PCAT6: variants seen among roughly 807,000 people sequenced by gnomAD.
The protein encoded by PCAT6 is KDM5B antisense RNA 1 (head to head).
chr1:202,811,127 C>G (rs1043819287), exon 1 of PCAT6: 10 of 393,628 alleles, frequency 2.5e-5, no homozygotes, highest in Non-Finnish European at 3.1e-5. Flanking sequence ...TCCAGGAACC[C>G]CCTCCTTACT....
At chr1:202,811,514 G>A in exon 1 of PCAT6, 1 of 397,294 alleles carries the variant, frequency 2.5e-6, no homozygotes, top group Non-Finnish European at 4.4e-6. Flanking sequence ...GGCCGGCGCA[G>A]CACGTAGCGC....
chr1:202,811,160 C>T (rs1474291527), exon 1 of PCAT6: 2 of 397,108 alleles, frequency 5.0e-6, no homozygotes, highest in South Asian at 2.8e-4. Flanking sequence ...TCCGCCCCCG[C>T]CCGGGCCTCC....
exon 1 of PCAT6, chr1:202,811,397 C>G: frequency 2.5e-6 from 1 of 398,778 alleles, no homozygotes; most frequent in East Asian, 3.6e-5. Context: ...GACCACGCTG[C>G]CGGGTTGCAA....
At chr1:202,811,762 T>C (rs1658557140) in exon 1 of PCAT6, 1 of 219,978 alleles carries the variant, frequency 4.5e-6, no homozygotes, top group Non-Finnish European at 8.9e-6. Context: ...AATGCCATCA[T>C]CTCTCCTCAC....
chr1:202,811,550 C>G, exon 1 of PCAT6: 1 of 395,242 alleles, frequency 2.5e-6, no homozygotes. Context: ...TCCCCACCCC[C>G]TCGCCGCCTC....
chr1:202,811,301 G>A (rs1658545039), exon 1 of PCAT6: 2 of 399,190 alleles, frequency 5.0e-6, no homozygotes, highest in Non-Finnish European at 8.8e-6. Context: ...TCCAGCCTGC[G>A]CCCCAGATCT....
exon 1 of PCAT6, chr1:202,810,996 C>T (rs565585318): frequency 3.6e-5 from 9 of 247,102 alleles, no homozygotes; most frequent in African/African-American, 1.3e-4. Flanking sequence ...GTGCCGGGGC[C>T]GGAGCTCCCA....
chr1:202,810,998 G>C (rs2102366594), exon 1 of PCAT6: 1 of 251,380 alleles, frequency 4.0e-6, no homozygotes, highest in African/African-American at 2.2e-5. Context: ...GCCGGGGCCG[G>C]AGCTCCCAGA....
exon 1 of PCAT6, chr1:202,811,427 C>T (rs1250009338): frequency 1.0e-5 from 4 of 398,552 alleles, no homozygotes; most frequent in African/African-American, 2.1e-5. Flanking sequence ...GACTTCCTCC[C>T]TCCCCTCCCC....
exon 1 of PCAT6, chr1:202,811,546 C>T (rs1658551051): frequency 5.1e-6 from 2 of 395,314 alleles, no homozygotes; most frequent in Non-Finnish European, 8.9e-6. Flanking sequence ...CCGCTCCCCA[C>T]CCCCTCGCCG....
exon 1 of PCAT6, chr1:202,811,220 C>T: frequency 2.5e-6 from 1 of 398,572 alleles, no homozygotes; most frequent in Non-Finnish European, 4.4e-6. Context: ...TCGGACACAT[C>T]CCTAGGTGTC....
At position 202,810,999 on chromosome 1, in the gene PCAT6, A is replaced by T. The variant is rs369795204; in HGVS notation, n.117A>T. 21 of 251,080 alleles carry T rather than the reference A, an allele frequency of 8.4e-5. 1 individual carries two copies. Among genetic ancestry groups the T allele is most frequent in the Admixed American group, 5.5e-4 (10 of 18,148 alleles). 15.6% of individuals were successfully genotyped at this position (251,080 alleles called of 1,614,324 possible). On this transcript the variant is annotated non_coding_transcript_exon_variant, in exon 1 of 1. Coordinates refer to ENST00000686658, the Ensembl canonical transcript of PCAT6. ...CCCAGCCTGGAGGTGCCGGGGCCGG[A>T]GCTCCCAGAGGGCTGGGTGCGAGGC...
chr1:202,811,339 C>T, exon 1 of PCAT6: 1 of 398,772 alleles, frequency 2.5e-6, no homozygotes, highest in South Asian at 1.3e-4. Context: ...ATACACCCGC[C>T]TGGTGATGAG....
exon 1 of PCAT6, chr1:202,811,268 C>A: frequency 2.5e-6 from 1 of 399,460 alleles, no homozygotes. Flanking sequence ...CCAGACCTCA[C>A]GTCAACCGGC....
exon 1 of PCAT6, chr1:202,811,116 C>T (rs1658539879): frequency 2.6e-6 from 1 of 391,172 alleles, no homozygotes; most frequent in Non-Finnish European, 4.5e-6. Flanking sequence ...AGTGCCACGT[C>T]TCCAGGAACC....
At chr1:202,811,507 C>T in exon 1 of PCAT6, 2 of 397,506 alleles carry the variant, frequency 5.0e-6, no homozygotes, top group East Asian at 3.6e-5. Context: ...CCCCAGCGGC[C>T]GGCGCAGCAC....
At chr1:202,811,471 C>T in exon 1 of PCAT6, 1 of 398,426 alleles carries the variant, frequency 2.5e-6, no homozygotes, top group Non-Finnish European at 4.4e-6. Context: ...GGACCGGGTT[C>T]TGGGATGAGG....
exon 1 of PCAT6, chr1:202,811,337 G>T (rs1238721136): frequency 1.5e-5 from 6 of 398,536 alleles, no homozygotes; most frequent in African/African-American, 6.2e-5. Context: ...AGATACACCC[G>T]CCTGGTGATG....
exon 1 of PCAT6, chr1:202,811,329 A>G (rs1311329312): frequency 2.5e-6 from 1 of 398,548 alleles, no homozygotes; most frequent in African/African-American, 2.1e-5. Flanking sequence ...TCGCCCCTAG[A>G]TACACCCGCC....
Sources: gnomAD v4.1 joint callset for allele counts on GRCh38, gnomAD v4.1.1 for gene constraint, MANE v1.5 for transcripts, NCBI Gene and HGNC (gene_info 2026-07-23, HGNC 2026-07-21) for gene names.